Variants in SPIN2A observed in about 807,000 individuals in gnomAD.
The protein encoded by SPIN2A is spindlin-2A.
In SPIN2A, 4 loss-of-function variants were observed where a neutral mutation model predicts 9.2. The ratio of observed to expected loss-of-function variants is 0.44; its 90% CI spans 0.21 to 1.00. The LOEUF is 1.00. SPIN2A is among the 50% of genes least tolerant of loss of function. The pLI is 0.26. For missense variants in SPIN2A, 77 were observed against 172.8 expected (o/e 0.45, Z 3.11); for synonymous variants, 25 against 61.2 (o/e 0.41, Z 2.76).
chrX:57,139,459 CTTGTTTGT>C (rs1253934693), upstream of SPIN2A, among the ~76,000 whole-genome samples: 1 of 110,956 alleles, frequency 9.0e-6, no homozygotes, highest in Non-Finnish European at 1.9e-5. Context: ...TTTTTGTTTG[CTTGTTTGT>C]TTGTTTGTTT....
upstream of SPIN2A, among the ~76,000 whole-genome samples, chrX:57,140,598 C>CA (rs56693403): frequency 0.077 from 4,524 of 58,732 alleles, 197 homozygotes; most frequent in Non-Finnish European, 0.13. Flanking sequence ...GACCCCGTCT[C>CA]AAAAAAAAAA....
the SPIN2A span, among the ~76,000 whole-genome samples, chrX:57,143,849 G>T: frequency 9.0e-6 from 1 of 111,644 alleles, no homozygotes; most frequent in East Asian, 2.8e-4. Flanking sequence ...TACAAGTACA[G>T]TACTATAATA....
chrX:57,136,154 C>G lies in SPIN2A; in HGVS notation c.444G>C (p.Arg148Ser). Residue 148 changes from arginine to serine, a missense_variant, in exon 2 of 2, where the codon AGG becomes AGC. By Grantham distance (110) the Arg-to-Ser change is moderately radical (BLOSUM62 -1). This residue lies in a region of SPIN2A where 17 missense variants were observed against 19.9 expected (regional missense o/e 0.85). Coordinates refer to ENST00000374906, the MANE Select transcript of SPIN2A (RefSeq NM_019003.5). Reference protein sequence around the residue: ...EGEHGSKDEWRGMVLAQAPIM... With the variant: ...EGEHGSKDEWSGMVLAQAPIM... The stretch of plus-strand genomic sequence containing the variant: ...TAGGTGCTTGAGCTAAGACCATCCC[C>G]CTCCATTCATCCTTAGAACCATGCT... 8.3e-7 allele frequency: 1 copy of G among 1,210,500 alleles called. No homozygotes were observed. The highest frequency in any genetic ancestry group is 2.3e-4 in the Middle Eastern group (1 of 4,348).
upstream of SPIN2A, among the ~76,000 whole-genome samples, chrX:57,139,602 C>T (rs1218644064): frequency 3.6e-5 from 4 of 110,908 alleles, no homozygotes; most frequent in East Asian, 5.6e-4. Context: ...CACAGGTGCC[C>T]GCCACCACAC....
At chrX:57,138,363 T>C (rs1295185901), upstream of SPIN2A, among the ~76,000 whole-genome samples, 18 of 111,119 alleles carry the variant, frequency 1.6e-4, no homozygotes, top group Non-Finnish European at 1.9e-4. Flanking sequence ...TTGGCTAACA[T>C]CTGAAAAGTT....
rs147614968 is a variant in SPIN2A at position 57,135,892 on chromosome X, G to T, written c.706C>A (p.Pro236Thr). Residue 236 changes from proline (P) to threonine (T), a missense_variant, in exon 2 of 2, where the codon CCC (proline) becomes ACC (threonine). Around this residue, in one of 4 missense-constraint regions of SPIN2A, gnomAD observed 36 missense variants for 47.6 expected, o/e 0.76. Transcript: ENST00000374906. ...TCAAACTTGATGAAATACACAGAGG[G>T]TTTGGTTTCCACTTGGTGAATGACC... is the stretch of plus-strand genomic sequence containing the variant. Reference protein sequence around the residue: ...GMVIHQVETKPSVYFIKFDDD... With the variant: ...GMVIHQVETKTSVYFIKFDDD... The T allele has an allele frequency of 3.0e-4, 361 of 1,207,555 alleles. 2 individuals are homozygous for T. The African/African-American group carries it at 5.8e-3, about 19-fold the overall frequency.
chrX:57,137,256 ATACCTCGATGCTGCCTCTGCTGT>A lies in SPIN2A; in HGVS notation c.-25_-6+3del. The A allele has an allele frequency of 2.6e-6, 2 of 761,671 alleles. No individual in the cohort carries two copies. Among genetic ancestry groups the A allele is most frequent in the Non-Finnish European group, 3.1e-6 (2 of 642,929 alleles). The allele number at this position is 761,671 out of a possible 1,213,427, so 62.8% of individuals were successfully genotyped here. ...CGCGGGCCTCACGTGCCGAAATCGGATACCTCGATGCTGCCTCTGCTGTGAGCCTGTGGCGAAGGAGGGTCAAC... is the reference window on the plus strand; with the variant it reads ...CGCGGGCCTCACGTGCCGAAATCGGAGAGCCTGTGGCGAAGGAGGGTCAAC... On this transcript the variant is annotated splice_donor_variant and splice_donor_region_variant and 5_prime_UTR_variant and intron_variant, in exon 1 of 2. Coordinates refer to ENST00000374906, the MANE Select transcript of SPIN2A (RefSeq NM_019003.5). LOFTEE classifies it low-confidence loss of function (5UTR_SPLICE).
chrX:57,143,410 C>T, the SPIN2A span, among the ~76,000 whole-genome samples: 1 of 110,510 alleles, frequency 9.0e-6, no homozygotes, highest in Non-Finnish European at 1.9e-5. Flanking sequence ...TTAACTCCAT[C>T]CCCCCTTACG....
chrX:57,134,922 C>T (rs1266392372), downstream of SPIN2A: 1 of 111,956 alleles, frequency 8.9e-6, no homozygotes, highest in Non-Finnish European at 1.9e-5. Context: ...TCATTCCTGT[C>T]AACATGCTCT....
At chrX:57,137,460 A>C (rs2146918014), upstream of SPIN2A, 1 of 519,859 alleles carries the variant, frequency 1.9e-6, no homozygotes, top group East Asian at 1.8e-4. Flanking sequence ...GGTGGCGGCC[A>C]CCCCTCAGCC....
the SPIN2A span, among the ~76,000 whole-genome samples, chrX:57,144,579 G>A: frequency 9.2e-6 from 1 of 108,819 alleles, no homozygotes; most frequent in Non-Finnish European, 1.9e-5. Context: ...ACATGAGTAA[G>A]TTCTTTATTG....
upstream of SPIN2A, among the ~76,000 whole-genome samples, chrX:57,142,219 C>CTTT (rs971102104): frequency 1.1e-4 from 12 of 111,356 alleles, no homozygotes; most frequent in South Asian, 3.7e-4. Context: ...AGTTTTTATG[C>CTTT]TTTTTTGACT....
intron 1 of SPIN2A, chrX:57,136,921 C>CT (rs1306418998): frequency 2.6e-6 from 2 of 758,486 alleles, no homozygotes; most frequent in Non-Finnish European, 1.8e-6. Flanking sequence ...TCCCAATCCC[C>CT]TGCAAAGCGG....
At chrX:57,142,032 T>A (rs972352793), upstream of SPIN2A, among the ~76,000 whole-genome samples, 5 of 111,690 alleles carry the variant, frequency 4.5e-5, no homozygotes, top group East Asian at 2.8e-4. Context: ...GGTTTGTAGA[T>A]TTTTGTCATG....
chrX:57,141,252 A>G (rs186106229), upstream of SPIN2A, among the ~76,000 whole-genome samples: 9 of 112,063 alleles, frequency 8.0e-5, no homozygotes, highest in Non-Finnish European at 1.7e-4. Context: ...TGATTTGTGT[A>G]TGTTGAACCA....
intron 1 of SPIN2A, 28 bp downstream of exon 1, chrX:57,137,232 G>C: frequency 5.3e-6 from 4 of 760,810 alleles, no homozygotes; most frequent in African/African-American, 2.3e-5. Flanking sequence ...GCCGGGGATC[G>C]CGGGCCTCAC....
At chrX:57,141,140 T>C (rs1358660390), upstream of SPIN2A, among the ~76,000 whole-genome samples, 2 of 112,256 alleles carry the variant, frequency 1.8e-5, no homozygotes, top group Non-Finnish European at 3.8e-5. Flanking sequence ...AGAGTTTTTT[T>C]CATGAAACGA....
chrX:57,136,940 A>G (rs1927809604), intron 1 of SPIN2A: 9 of 839,484 alleles, frequency 1.1e-5, no homozygotes, highest in South Asian at 6.2e-5. Context: ...GGCCTTGACC[A>G]GCACCCACTA....
chrX:57,145,996 C>G, the SPIN2A span, among the ~76,000 whole-genome samples: 1 of 109,601 alleles, frequency 9.1e-6, no homozygotes, highest in African/African-American at 3.3e-5. Flanking sequence ...TAATGTGATG[C>G]CTCCAAATTT....
Sources: allele counts gnomAD v4.1 joint callset (sites outside exome capture counted in the v4.1 genomes callset), GRCh38; gene constraint gnomAD v4.1.1; regional missense constraint gnomAD v4.1.1; transcripts MANE v1.5; gene names NCBI Gene and HGNC (gene_info 2026-07-23, HGNC 2026-07-21).